PATL2: variants seen among roughly 807,000 people sequenced by gnomAD.
PATL2 encodes the protein protein PAT1 homolog 2.
A neutral mutation model predicts 77.0 loss-of-function variants in PATL2; 73 were observed. The ratio of observed to expected loss-of-function variants is 0.95; its 90% CI spans 0.78 to 1.15. The LOEUF is 1.15. Among genes scored for constraint, PATL2 ranks in the 50% most tolerant of loss-of-function variants. The pLI, the probability that PATL2 is intolerant of heterozygous loss-of-function variation, is 0.00. For synonymous variants in PATL2, 265 were observed against 257.1 expected (o/e 1.03, Z -0.29); for missense variants, 618 against 655.4 (o/e 0.94, Z 0.62).
intron 3 of PATL2, among the ~76,000 whole-genome samples, chr15:44,677,972 G>T (rs2086028554): frequency 6.6e-6 from 1 of 151,844 alleles, no homozygotes; most frequent in African/African-American, 2.4e-5. Context: ...CGAGTAGCTG[G>T]GATTACAGGC....
intron 3 of PATL2, among the ~76,000 whole-genome samples, chr15:44,677,261 T>C (rs115048312): frequency 5.3e-5 from 8 of 152,020 alleles, no homozygotes; most frequent in Non-Finnish European, 8.8e-5. Context: ...CTGGGGAGGA[T>C]GCCTAGCAAC....
chr15:44,673,360 C>A lies in PATL2; in HGVS notation c.321G>T (p.Ser107=), dbSNP rs562418280. 6.4e-7 allele frequency: 1 copy of A among 1,551,628 alleles called. No individual in the cohort carries two copies. ...HFLWQTLDYL[S]PIPFWPTFPS... ...GAAATGTAGGCCAGAAAGGGATGGGCGACAGGTAGTCCAAGGTCTGAGAGA... is the reference window on the plus strand; with the variant it reads ...GAAATGTAGGCCAGAAAGGGATGGGAGACAGGTAGTCCAAGGTCTGAGAGA... Residue 107 remains serine (S), a synonymous_variant, in exon 7 of 18, where the codon TCG becomes TCT. Coordinates refer to ENST00000682850, the MANE Select transcript of PATL2 (RefSeq NM_001387263.1).
At chr15:44,684,889 A>G (rs1223242860) in intron 3 of PATL2, among the ~76,000 whole-genome samples, 1 of 152,254 alleles carries the variant, frequency 6.6e-6, no homozygotes, top group Non-Finnish European at 1.5e-5. Context: ...TCAGACTAAC[A>G]GTGGATCTCT....
intron 3 of PATL2, among the ~76,000 whole-genome samples, chr15:44,709,890 A>G (rs1187410719): frequency 6.6e-6 from 1 of 152,158 alleles, no homozygotes; most frequent in Non-Finnish European, 1.5e-5. Context: ...GCACTTTTCT[A>G]GTACAACTCA....
In PATL2 at chr15:44,669,051, G is replaced by A; in HGVS notation, c.1153C>T (p.Gln385Ter). 1 of 1,551,330 alleles carries A rather than the reference G, an allele frequency of 6.4e-7. No individual in the cohort carries two copies. The highest frequency in any genetic ancestry group is 2.0e-5 in the Admixed American group (1 of 50,946). Residue 385 changes from glutamine to a stop codon, truncating the protein, a stop_gained, in exon 14 of 18, where the codon CAG (glutamine) becomes TAG (stop). Coordinates refer to ENST00000682850, the MANE Select transcript of PATL2 (RefSeq NM_001387263.1). LOFTEE classifies it high-confidence loss of function. ...ATAGCCAAAAGAATGGTAACAGCCTGATCCTGGGGCAGGAAGGGGAGCAGC... is the reference window on the plus strand; with the variant it reads ...ATAGCCAAAAGAATGGTAACAGCCTAATCCTGGGGCAGGAAGGGGAGCAGC... ...ARLLPFLPQD[Q>*]AVTILLAITH...
At chr15:44,674,026 A>T in intron 6 of PATL2, 124 bp downstream of exon 6, 1 of 879,992 alleles carries the variant, frequency 1.1e-6, no homozygotes, top group South Asian at 1.8e-5. Context: ...TGATGGGGCA[A>T]CTCCCACCTC....
At chr15:44,670,575 A>C (rs1453317214) in intron 9 of PATL2, among the ~76,000 whole-genome samples, 1 of 152,318 alleles carries the variant, frequency 6.6e-6, no homozygotes, top group East Asian at 1.9e-4. Context: ...CAGTTATTCT[A>C]AAGTGTCTTA....
At chr15:44,703,090 G>T (rs1218727419) in intron 3 of PATL2, among the ~76,000 whole-genome samples, 1 of 151,976 alleles carries the variant, frequency 6.6e-6, no homozygotes, top group Non-Finnish European at 1.5e-5. Flanking sequence ...CCTGACTAAC[G>T]TGGAGAAACC....
intron 3 of PATL2, among the ~76,000 whole-genome samples, chr15:44,681,562 A>G (rs574633500): frequency 7.2e-5 from 11 of 152,208 alleles, no homozygotes; most frequent in East Asian, 5.8e-4. Context: ...TCAGTCCTCT[A>G]TATATCAAAT....
intron 3 of PATL2, among the ~76,000 whole-genome samples, chr15:44,700,243 T>C (rs1353619054): frequency 6.6e-6 from 1 of 152,144 alleles, no homozygotes; most frequent in Non-Finnish European, 1.5e-5. Flanking sequence ...TAATATTAGG[T>C]ATTTAAATTT....
At chr15:44,702,246 T>G (rs994017947) in intron 3 of PATL2, among the ~76,000 whole-genome samples, 1 of 149,012 alleles carries the variant, frequency 6.7e-6, no homozygotes, top group African/African-American at 2.5e-5. Context: ...ATGTATCCAT[T>G]TCTTCTAGGT....
chr15:44,672,728 C>T (rs370273313), intron 7 of PATL2, among the ~76,000 whole-genome samples: 2 of 152,246 alleles, frequency 1.3e-5, no homozygotes, highest in South Asian at 2.1e-4. Context: ...GAATAGTAGT[C>T]TCAGTTCCAT....
At chr15:44,690,006 A>C (rs2086352672) in intron 3 of PATL2, among the ~76,000 whole-genome samples, 1 of 152,168 alleles carries the variant, frequency 6.6e-6, no homozygotes, top group Admixed American at 6.5e-5. Flanking sequence ...CCTGACCAAC[A>C]TGGAGAAACC....
At chr15:44,674,734 A>G (rs568896752) in intron 5 of PATL2, 1 of 151,956 alleles carries the variant, frequency 6.6e-6, no homozygotes, top group South Asian at 2.1e-4. Context: ...TATCTGGCTA[A>G]TTTTTGAAAA....
chr15:44,694,035 A>G (rs2086452053), intron 3 of PATL2, among the ~76,000 whole-genome samples: 1 of 152,200 alleles, frequency 6.6e-6, no homozygotes, highest in Non-Finnish European at 1.5e-5. Flanking sequence ...CCAGTTCTGT[A>G]TCAAGTGACA....
Position 44,666,073 on chromosome 15 carries a change from A to AGAGAT in PATL2, c.1614-107_1614-103dup, listed in dbSNP as rs1334732250. 4 of 1,092,290 alleles carry AGAGAT rather than the reference A, an allele frequency of 3.7e-6. No individual in the cohort carries two copies. The African/African-American group carries it at 6.4e-5, about 18-fold the overall frequency. 67.7% of individuals were successfully genotyped at this position (1,092,290 alleles called of 1,614,324 possible). On this transcript the variant is annotated intron_variant, in intron 17 of 17. Coordinates refer to ENST00000682850, the MANE Select transcript of PATL2 (RefSeq NM_001387263.1). ...TCTTTCTAGCAGTAATTCTGAGGAC[A>AGAGAT]GAGATGACCATGTTATTCATGCTTA...
At chr15:44,667,466 T>C (rs1366809122) in intron 15 of PATL2, among the ~76,000 whole-genome samples, 1 of 151,962 alleles carries the variant, frequency 6.6e-6, no homozygotes, top group Non-Finnish European at 1.5e-5. Flanking sequence ...CTCCTAGGAG[T>C]AGGAGATCGG....
intron 6 of PATL2, among the ~76,000 whole-genome samples, chr15:44,673,662 TAATAGTCTTCTCTTGGGCTGTCTTC>T (rs2085806132): frequency 1.3e-5 from 2 of 152,168 alleles, no homozygotes; most frequent in Non-Finnish European, 2.9e-5. Flanking sequence ...CTCCTCTCTA[TAATAGTCTTCTCTTGGGCTGTCTTC>T]AGCCGCTGGG....
intron 3 of PATL2, among the ~76,000 whole-genome samples, chr15:44,683,381 T>A (rs1420170962): frequency 6.6e-6 from 1 of 152,170 alleles, no homozygotes; most frequent in African/African-American, 2.4e-5. Context: ...GAAGTCAAGC[T>A]GGGACACTTG....
Sources: allele counts gnomAD v4.1 joint callset (sites outside exome capture counted in the v4.1 genomes callset), GRCh38; gene constraint gnomAD v4.1.1; transcripts MANE v1.5; gene names NCBI Gene and HGNC (gene_info 2026-07-23, HGNC 2026-07-21).